Variants in LHFPL6 observed in about 807,000 individuals in gnomAD.
LHFPL6 encodes the protein LHFPL tetraspan subfamily member 6 protein.
LHFPL6 carries 9 observed loss-of-function variants against 20.6 expected under a neutral mutation model. The observed-to-expected ratio is 0.44, with a 90% confidence interval of 0.26 to 0.76. The LOEUF is 0.76. Among genes scored for constraint, LHFPL6 ranks in the 30% least tolerant of loss-of-function variants. The probability of loss-of-function intolerance (pLI) is 0.20; values close to 1 mark genes in which losing one functional copy is unlikely to be tolerated. For synonymous variants in LHFPL6, 105 were observed against 98.7 expected, an observed-to-expected ratio of 1.06 and a Z score of -0.38; for missense variants, 218 against 253.5, an observed-to-expected ratio of 0.86 and a Z score of 0.95.
intron 2 of LHFPL6, among the ~76,000 whole-genome samples, chr13:39,379,730 G>GAGGAAAGGCCTCCCTA (rs554031995): frequency 6.6e-6 from 1 of 152,098 alleles, no homozygotes; most frequent in Non-Finnish European, 1.5e-5. Flanking sequence ...CAACTACCCT[G>GAGGAAAGGCCTCCCTA]AGGAAAGGCC....
intron 2 of LHFPL6, among the ~76,000 whole-genome samples, chr13:39,562,469 TATACAC>T (rs1172557173): frequency 2.1e-4 from 23 of 111,726 alleles, no homozygotes; most frequent in South Asian, 2.7e-4. Flanking sequence ...TATATACACA[TATACAC>T]ATATACATAT....
chr13:39,541,015 C>T (rs2138503617), intron 2 of LHFPL6, among the ~76,000 whole-genome samples: 1 of 152,284 alleles, frequency 6.6e-6, no homozygotes, highest in East Asian at 1.9e-4. Flanking sequence ...AACAATTATA[C>T]TAGACATATA....
chr13:39,394,255 C>A (rs142922442), intron 2 of LHFPL6, among the ~76,000 whole-genome samples: 1 of 152,030 alleles, frequency 6.6e-6, no homozygotes, highest in Non-Finnish European at 1.5e-5. Context: ...TTTCCTCTTG[C>A]GATAAAGACA....
intron 2 of LHFPL6, among the ~76,000 whole-genome samples, chr13:39,589,240 G>C (rs959473148): frequency 2.0e-5 from 3 of 152,058 alleles, no homozygotes; most frequent in East Asian, 3.9e-4. Context: ...CTGAGTAGCC[G>C]AGATTACAGG....
chr13:39,388,196 G>C (rs938504947), intron 2 of LHFPL6, among the ~76,000 whole-genome samples: 2 of 152,188 alleles, frequency 1.3e-5, no homozygotes, highest in Admixed American at 1.3e-4. Context: ...CTGCAGAAGA[G>C]AGTATACTTC....
intron 1 of LHFPL6, among the ~76,000 whole-genome samples, chr13:39,602,374 C>T (rs1057016650): frequency 2.6e-5 from 4 of 152,182 alleles, no homozygotes; most frequent in African/African-American, 9.6e-5. Context: ...CTCTAACCAC[C>T]GCCCATTTTC....
chr13:39,471,398 T>C (rs577442332), intron 2 of LHFPL6, among the ~76,000 whole-genome samples: 1 of 152,338 alleles, frequency 6.6e-6, no homozygotes, highest in East Asian at 1.9e-4. Context: ...AATCAATTAA[T>C]TTCCTAGAGT....
intron 2 of LHFPL6, among the ~76,000 whole-genome samples, chr13:39,379,987 A>AGAAAGAAG (rs1231174274): frequency 6.6e-6 from 1 of 152,242 alleles, no homozygotes; most frequent in African/African-American, 2.4e-5. Flanking sequence ...GAAAGAAGTT[A>AGAAAGAAG]TACAAGCTTT....
In LHFPL6 at chr13:39,364,001, T is replaced by A. The variant is rs574893031; in HGVS notation, c.484+14427A>T. Among the ~76,000 whole-genome samples the A allele has an allele frequency of 2.0e-5, 3 of 152,350 alleles. No homozygotes were observed. In the South Asian group the frequency reaches 6.2e-4, roughly 32 times the overall value. On this transcript the variant is annotated intron_variant, in intron 3 of 3. Coordinates refer to ENST00000379589, the MANE Select transcript of LHFPL6 (RefSeq NM_005780.3). ...TAGAGTATACTTACACAAACGTAGA[T>A]GTATAGCCTACTCCATTACATAGCT...
intron 3 of LHFPL6, among the ~76,000 whole-genome samples, chr13:39,352,225 T>A (rs1011706119): frequency 6.6e-6 from 1 of 152,234 alleles, no homozygotes; most frequent in Non-Finnish European, 1.5e-5. Context: ...AAACTGCCTC[T>A]AGATATGGTC....
chr13:39,562,413 TACAC>T (rs1238133215), intron 2 of LHFPL6, among the ~76,000 whole-genome samples: 14 of 44,828 alleles, frequency 3.1e-4, no homozygotes, highest in Non-Finnish European at 5.1e-4. Context: ...TATACACATA[TACAC>T]ATATACATAT....
chr13:39,399,643 G>A lies in LHFPL6; in HGVS notation c.386-21117C>T, dbSNP rs1363606224. Among the ~76,000 whole-genome samples the A allele has an allele frequency of 2.0e-5, 3 of 152,234 alleles. 1 individual carries two copies. Among genetic ancestry groups the A allele is most frequent in the South Asian group, 4.1e-4 (2 of 4,832 alleles). The stretch of plus-strand genomic sequence containing the variant: ...GATAGCGTCCTATAAAGATCACGCT[G>A]TGGAAAGCAAAGAAATTCACTGAGA... On this transcript the variant is annotated intron_variant, in intron 2 of 3. Transcript: ENST00000379589.
chr13:39,553,767 T>C (rs1332400917), intron 2 of LHFPL6, among the ~76,000 whole-genome samples: 3 of 152,138 alleles, frequency 2.0e-5, no homozygotes, highest in Non-Finnish European at 4.4e-5. Context: ...CCTGACCCAC[T>C]GTCATGAAAA....
chr13:39,373,386 C>T (rs1421898127), intron 3 of LHFPL6, among the ~76,000 whole-genome samples: 3 of 152,158 alleles, frequency 2.0e-5, no homozygotes, highest in African/African-American at 7.2e-5. Flanking sequence ...GGCATAGGAT[C>T]CCTTCTTCCC....
intron 2 of LHFPL6, among the ~76,000 whole-genome samples, chr13:39,599,239 G>T (rs1872856919): frequency 6.6e-6 from 1 of 152,170 alleles, no homozygotes; most frequent in Admixed American, 6.5e-5. Flanking sequence ...ACCATAAGAG[G>T]AGAAAATGAA....
chr13:39,451,570 C>A (rs1004523018), intron 2 of LHFPL6, among the ~76,000 whole-genome samples: 1 of 152,168 alleles, frequency 6.6e-6, no homozygotes, highest in African/African-American at 2.4e-5. Context: ...TTGTTTTGAA[C>A]TCAAATGTAT....
intron 2 of LHFPL6, among the ~76,000 whole-genome samples, chr13:39,583,084 G>T (rs1872338064): frequency 6.7e-6 from 1 of 150,210 alleles, no homozygotes; most frequent in African/African-American, 2.5e-5. Context: ...AATCAGAGAA[G>T]AAAGATATTA....
rs555843824 is a variant in LHFPL6, at chr13:39,590,607, A to G, written c.385+10225T>C. On this transcript the variant is annotated intron_variant, in intron 2 of 3. Coordinates refer to ENST00000379589, the MANE Select transcript of LHFPL6 (RefSeq NM_005780.3). ...CAATAAGACACCCTTGCCAACCTGG[A>G]GAGTTCAAATACAGAGTGTGTAACA... Among the ~76,000 whole-genome samples the G allele has an allele frequency of 2.6e-5, 4 of 152,328 alleles. No individual in the cohort carries two copies. In the East Asian group the frequency reaches 7.7e-4, roughly 29 times the overall value.
chr13:39,433,122 G>T (rs965131574), intron 2 of LHFPL6, among the ~76,000 whole-genome samples: 2 of 152,130 alleles, frequency 1.3e-5, no homozygotes, highest in Non-Finnish European at 2.9e-5. Context: ...AACTAAGCTG[G>T]CCAGCTAAGC....
Sources: gnomAD v4.1 joint callset for allele counts (sites outside exome capture counted in the v4.1 genomes callset) on GRCh38, gnomAD v4.1.1 for gene constraint, MANE v1.5 for transcripts, NCBI Gene and HGNC (gene_info 2026-07-23, HGNC 2026-07-21) for gene names.